The following ZCCHC24 variants were observed in gnomAD, a reference collection of about 807,000 sequenced individuals.
The protein encoded by ZCCHC24 is zinc finger CCHC domain-containing protein 24.
ZCCHC24 carries 10 observed loss-of-function variants against 26.2 expected under a neutral mutation model. The ratio of observed to expected loss-of-function variants is 0.38; its 90% CI spans 0.24 to 0.65. ZCCHC24 has a LOEUF of 0.65. ZCCHC24 is among the 30% of genes least tolerant of loss of function. ZCCHC24 has a pLI of 0.54. For synonymous variants in ZCCHC24, 144 were observed against 147.1 expected (o/e 0.98, Z 0.15); for missense variants, 243 against 329.1 (o/e 0.74, Z 2.03).
chr10:79,390,743 G>A (rs921948019), intron 3 of ZCCHC24, among the ~76,000 whole-genome samples: 1 of 152,252 alleles, frequency 6.6e-6, no homozygotes, highest in African/African-American at 2.4e-5. Context: ...GCCCAGTGGT[G>A]TTTTCTTCTT....
intron 1 of ZCCHC24, among the ~76,000 whole-genome samples, chr10:79,439,664 C>A (rs573133219): frequency 3.3e-5 from 5 of 151,964 alleles, no homozygotes; most frequent in Admixed American, 6.6e-5. Flanking sequence ...TGGTGGCAGG[C>A]GCCTGTAATC....
intron 1 of ZCCHC24, among the ~76,000 whole-genome samples, chr10:79,436,548 G>A (rs1857220311): frequency 6.6e-6 from 1 of 152,182 alleles, no homozygotes; most frequent in Admixed American, 6.5e-5. Context: ...GTGACCAATG[G>A]AGCTCTGAAG....
At chr10:79,445,059 G>T in intron 1 of ZCCHC24, 136 bp downstream of exon 1, 1 of 960,564 alleles carries the variant, frequency 1.0e-6, no homozygotes, top group Non-Finnish European at 1.4e-6. Flanking sequence ...GTTGAACGAA[G>T]CCAAGCCAAG....
chr10:79,400,930 C>T (rs1856620764), intron 2 of ZCCHC24, among the ~76,000 whole-genome samples: 1 of 152,264 alleles, frequency 6.6e-6, no homozygotes, highest in Admixed American at 6.5e-5. Flanking sequence ...CTGGTCACTC[C>T]CCTCCAGGTG....
intron 2 of ZCCHC24, chr10:79,403,657 C>T: frequency 1.1e-6 from 1 of 951,694 alleles, no homozygotes; most frequent in Non-Finnish European, 1.3e-6. Context: ...TCCTCGCCTC[C>T]TTGCCCAGGG....
At chr10:79,428,976 G>A (rs181431914) in intron 2 of ZCCHC24, among the ~76,000 whole-genome samples, 1 of 152,160 alleles carries the variant, frequency 6.6e-6, no homozygotes, top group Non-Finnish European at 1.5e-5. Context: ...AAAGAGTTCA[G>A]AGCAGTCATC....
At chr10:79,413,779 T>TGTGTGA (rs1365480096) in intron 2 of ZCCHC24, among the ~76,000 whole-genome samples, 73 of 146,756 alleles carry the variant, frequency 5.0e-4, no homozygotes, top group East Asian at 1.2e-3. Flanking sequence ...TGTGTGTGTG[T>TGTGTGA]GAGAGAGAGA....
At position 79,428,478 on chromosome 10, in the gene ZCCHC24, GTTTTGCAAGATAAAAA is replaced by G. The variant is rs146491498; in HGVS notation, c.447+4064_447+4079del. ...TTTCAGTTTTGCAAGATAAATTTCAGTTTTGCAAGATAAAAAGAGCTCTGTGGCTGGAAGGTGGTGA... is the reference window on the plus strand; with the variant it reads ...TTTCAGTTTTGCAAGATAAATTTCAGGAGCTCTGTGGCTGGAAGGTGGTGA... On this transcript the variant is annotated intron_variant, in intron 2 of 3. Coordinates refer to ENST00000372336, the MANE Select transcript of ZCCHC24 (RefSeq NM_153367.4). Among the ~76,000 whole-genome samples, 7 of 76,084 alleles carry G rather than the reference GTTTTGCAAGATAAAAA, an allele frequency of 9.2e-5. 1 individual carries two copies. The highest frequency in any genetic ancestry group is 6.1e-4 in the South Asian group (2 of 3,284). The allele number at this position is 76,084 out of a possible 152,430, so 49.9% of individuals were successfully genotyped here. A position where few individuals can be genotyped will look rare whatever the true frequency, so the allele number is the denominator to read the frequency against.
At chr10:79,402,370 G>A (rs928154812) in intron 2 of ZCCHC24, among the ~76,000 whole-genome samples, 2 of 152,142 alleles carry the variant, frequency 1.3e-5, no homozygotes, top group Admixed American at 1.3e-4. Flanking sequence ...CCACCTCCCA[G>A]TTCCATGCCA....
At chr10:79,412,360 G>T (rs1000848303) in intron 2 of ZCCHC24, among the ~76,000 whole-genome samples, 1 of 152,246 alleles carries the variant, frequency 6.6e-6, no homozygotes, top group Non-Finnish European at 1.5e-5. Flanking sequence ...CTCTGTGCGA[G>T]TGTGCACAGG....
intron 2 of ZCCHC24, among the ~76,000 whole-genome samples, chr10:79,415,671 T>C (rs1415793752): frequency 2.6e-5 from 4 of 152,134 alleles, no homozygotes; most frequent in Non-Finnish European, 5.9e-5. Context: ...CCTTGTTGAT[T>C]CTGGTGGCAG....
chr10:79,385,602 G>A lies in ZCCHC24; in HGVS notation c.*743C>T, dbSNP rs1411289687. ...AGGCAGAGGGGAAGGAAAGGGAGTG[G>A]GGCTGACAAAACCTAAGGCAGTCTG... On this transcript the variant is annotated 3_prime_UTR_variant, in exon 4 of 4. Coordinates refer to ENST00000372336, the MANE Select transcript of ZCCHC24 (RefSeq NM_153367.4). The surrounding 1 kb of genome is among the most constrained non-coding windows in gnomAD (Gnocchi z 4.3). 1 of 152,524 alleles carries A rather than the reference G, an allele frequency of 6.6e-6. No individual in the cohort carries two copies. Among genetic ancestry groups the A allele is most frequent in the Non-Finnish European group, 1.5e-5 (1 of 68,206 alleles). 9.4% of individuals were successfully genotyped at this position (152,524 alleles called of 1,614,324 possible).
At chr10:79,394,196 A>C (rs1226270017) in intron 3 of ZCCHC24, 80 bp downstream of exon 3, 20 of 1,532,518 alleles carry the variant, frequency 1.3e-5, no homozygotes, top group Non-Finnish European at 1.7e-5. Flanking sequence ...CCCTTGTAGG[A>C]GGGAGTAAAC....
intron 2 of ZCCHC24, among the ~76,000 whole-genome samples, chr10:79,399,959 G>C (rs752949961): frequency 3.3e-5 from 5 of 152,180 alleles, no homozygotes; most frequent in Non-Finnish European, 5.9e-5. Context: ...AAGTATCAGG[G>C]AGGCTGCTGA....
chr10:79,436,094 C>T (rs932398569), intron 1 of ZCCHC24, among the ~76,000 whole-genome samples: 26 of 152,246 alleles, frequency 1.7e-4, no homozygotes, highest in African/African-American at 6.0e-4. Context: ...ATGCAGAGGC[C>T]GACACAGGCA....
At chr10:79,388,733 A>G (rs1564631097) in intron 3 of ZCCHC24, among the ~76,000 whole-genome samples, 1 of 152,142 alleles carries the variant, frequency 6.6e-6, no homozygotes, top group East Asian at 1.9e-4. Flanking sequence ...CTTACACATT[A>G]TGTGGCAAAG....
rs117017790 is a variant in ZCCHC24 at position 79,383,451 on chromosome 10, G to A, written c.*2894C>T. ...AAAAACCAACCAAAAACCCAATAAC[G>A]GGAAACAGAAAAGTTCTCACCATAA... On this transcript the variant is annotated 3_prime_UTR_variant, in exon 4 of 4. Coordinates refer to ENST00000372336, the MANE Select transcript of ZCCHC24 (RefSeq NM_153367.4). 10 of 152,340 alleles carry A rather than the reference G, an allele frequency of 6.6e-5. No individual in the cohort carries two copies. Among genetic ancestry groups the A allele is most frequent in the East Asian group, 3.8e-4 (2 of 5,322 alleles). The allele number at this position is 152,340 out of a possible 1,614,324, so 9.4% of individuals were successfully genotyped here. A position where few individuals can be genotyped will look rare whatever the true frequency, so the allele number is the denominator to read the frequency against.
chr10:79,390,553 A>G (rs1409630910), intron 3 of ZCCHC24, among the ~76,000 whole-genome samples: 1 of 152,206 alleles, frequency 6.6e-6, no homozygotes, highest in Non-Finnish European at 1.5e-5. Flanking sequence ...CCATGACCCC[A>G]TGGTGGGAGT....
intron 2 of ZCCHC24, among the ~76,000 whole-genome samples, chr10:79,425,126 C>T (rs1857008294): frequency 6.6e-6 from 1 of 152,246 alleles, no homozygotes. Context: ...GCCAGGCCCC[C>T]ACCACAGACC....
Sources: allele counts gnomAD v4.1 joint callset (sites outside exome capture counted in the v4.1 genomes callset), GRCh38; gene constraint gnomAD v4.1.1; non-coding constraint Gnocchi (gnomAD v3.1); transcripts MANE v1.5; gene names NCBI Gene and HGNC (gene_info 2026-07-23, HGNC 2026-07-21).